BRSK1: variants seen among roughly 807,000 people sequenced by gnomAD.
BRSK1 encodes the protein BR serine/threonine kinase 1, also known as serine/threonine-protein kinase BRSK1.
Under a neutral mutation model 86.2 loss-of-function variants are expected in BRSK1, and 17 were observed. The ratio of observed to expected loss-of-function variants is 0.20; its 90% CI spans 0.14 to 0.30. The LOEUF (loss-of-function observed/expected upper bound fraction) is 0.30, where lower values mean the gene tolerates loss of function less well. Ranked by LOEUF, BRSK1 falls within the 10% of genes least tolerant of loss-of-function variation. BRSK1 has a pLI of 1.00. For synonymous variants in BRSK1, 464 were observed against 440.1 expected (o/e 1.05, Z -0.68); for missense variants, 719 against 1,071.9 (o/e 0.67, Z 4.60).
Position 55,285,548 on chromosome 19 carries a change from G to A in BRSK1, c.136+970G>A, listed in dbSNP as rs372480564. Among the ~76,000 whole-genome samples the A allele has an allele frequency of 1.6e-3, 238 of 152,274 alleles. 9 individuals are homozygous for A. The South Asian group carries it at 0.046, about 30-fold the overall frequency. ...CCAGGCAGCAGGTTGGGGTGACAGG[G>A]GCCGTGGGGCCTAAGACATTCTCCC... On this transcript the variant is annotated intron_variant, in intron 1 of 18. Transcript: ENST00000309383.
chr19:55,302,505 A>T lies in BRSK1; in HGVS notation c.858-192A>T, dbSNP rs117647127. On this transcript the variant is annotated intron_variant, in intron 9 of 18. Coordinates refer to ENST00000309383, the MANE Select transcript of BRSK1 (RefSeq NM_032430.2). This position sits in a 1 kb window ranked among gnomAD's most constrained non-coding sequence, Gnocchi z 6.3. Reference sequence around the variant, plus strand: ...GGGCCTGGACCCCTCGGTCGGAGGGAAAAGGGGCTGGAGGTCTGGACTCCT... The same window carrying T: ...GGGCCTGGACCCCTCGGTCGGAGGGTAAAGGGGCTGGAGGTCTGGACTCCT... The T allele has an allele frequency of 0.033, 23,929 of 722,924 alleles. 508 individuals carry two copies. The highest frequency in any genetic ancestry group is 0.042 in the Non-Finnish European group (18,732 of 446,440). The allele number at this position is 722,924 out of a possible 1,614,324, so 44.8% of individuals were successfully genotyped here.
chr19:55,309,329 C>T (rs557023694), intron 18 of BRSK1, among the ~76,000 whole-genome samples: 114 of 152,302 alleles, frequency 7.5e-4, no homozygotes, highest in African/African-American at 2.6e-3. Flanking sequence ...CCCGGGCTCC[C>T]AGTCCTGGTC....
rs373710006 is a variant in BRSK1 at position 55,311,935 on chromosome 19, G to A, written c.2204G>A (p.Arg735Gln). 40 of 1,611,322 alleles carry A rather than the reference G, an allele frequency of 2.5e-5. No individual in the cohort carries two copies. The highest frequency in any genetic ancestry group is 6.7e-5 in the Admixed American group (4 of 59,908). ...LADEKNGAQT[R>Q]PAGAPPRSLQ... ...GACGAGAAGAACGGGGCCCAGACCC[G>A]GCCTGCTGGTGCCCCACCCCGAAGC... Residue 735 changes from arginine (R) to glutamine (Q), a missense_variant, in exon 19 of 19, where the codon CGG becomes CAG. By Grantham distance (43) the Arg-to-Gln change is conservative. This residue lies in a region of BRSK1 where 82 missense variants were observed against 72.6 expected (regional missense o/e 1.13). Transcript: ENST00000309383.
In BRSK1 at chr19:55,304,225, C is replaced by T; in HGVS notation, c.1347+115C>T. 1 of 1,150,984 alleles carries T rather than the reference C, an allele frequency of 8.7e-7. No individual in the cohort carries two copies. Among genetic ancestry groups the T allele is most frequent in the Non-Finnish European group, 1.2e-6 (1 of 822,848 alleles). 71.3% of individuals were successfully genotyped at this position (1,150,984 alleles called of 1,614,324 possible). On this transcript the variant is annotated intron_variant, in intron 13 of 18. Coordinates refer to ENST00000309383, the MANE Select transcript of BRSK1 (RefSeq NM_032430.2). This position sits in a 1 kb window ranked among gnomAD's most constrained non-coding sequence, Gnocchi z 5.2. ...CAGTCTTGAGACTTGCTTCTTTGTCCCTGGAGGGCCAAAGACCCAAGGCCT... is the reference window on the plus strand; with the variant it reads ...CAGTCTTGAGACTTGCTTCTTTGTCTCTGGAGGGCCAAAGACCCAAGGCCT...
chr19:55,284,967 G>T, intron 1 of BRSK1, among the ~76,000 whole-genome samples: 1 of 150,000 alleles, frequency 6.7e-6, no homozygotes, highest in Admixed American at 6.6e-5. Context: ...GAGGCTGGTG[G>T]CCTGCACTCC....
chr19:55,286,095 G>A (rs28728073), intron 1 of BRSK1, among the ~76,000 whole-genome samples: 17 of 108,442 alleles, frequency 1.6e-4, no homozygotes, highest in East Asian at 2.7e-4. Context: ...TGGAGTGCTG[G>A]GTCTGAGGGA....
chr19:55,309,952 G>T (rs2088745980), intron 18 of BRSK1, among the ~76,000 whole-genome samples: 1 of 152,188 alleles, frequency 6.6e-6, no homozygotes, highest in African/African-American at 2.4e-5. Flanking sequence ...CAGGACCCAT[G>T]CCCCTTCCTG....
chr19:55,303,012 C>A lies in BRSK1; in HGVS notation c.1028+145C>A. On this transcript the variant is annotated intron_variant, in intron 10 of 18. Coordinates refer to ENST00000309383, the MANE Select transcript of BRSK1 (RefSeq NM_032430.2). The surrounding 1 kb of genome is among the most constrained non-coding windows in gnomAD (Gnocchi z 5.1). The stretch of plus-strand genomic sequence containing the variant: ...TCCCGCCTGGGAGTGATGGAACCAG[C>A]GGAGAAAACGGCCCAGAAACACGCT... 9.4e-7 allele frequency: 1 copy of A among 1,061,358 alleles called. No homozygotes were observed. The allele number at this position is 1,061,358 out of a possible 1,614,324, so 65.7% of individuals were successfully genotyped here. A position where few individuals can be genotyped will look rare whatever the true frequency, so the allele number is the denominator to read the frequency against.
At position 55,305,952 on chromosome 19, in the gene BRSK1, C is replaced by T. The variant is rs779855528; in HGVS notation, c.1891-300C>T. ...CTTAGAGTTTCTGTGACAGATATGGCTATGGGAAGCATTTGTAAAGGGAGC... is the reference window on the plus strand; with the variant it reads ...CTTAGAGTTTCTGTGACAGATATGGTTATGGGAAGCATTTGTAAAGGGAGC... On this transcript the variant is annotated intron_variant, in intron 16 of 18. Transcript: ENST00000309383. Among the ~76,000 whole-genome samples, 4 of 152,178 alleles carry T rather than the reference C, an allele frequency of 2.6e-5. No individual in the cohort carries two copies. The East Asian group carries it at 7.7e-4, about 29-fold the overall frequency.
intron 7 of BRSK1, among the ~76,000 whole-genome samples, chr19:55,300,703 G>A (rs1350392290): frequency 6.6e-6 from 1 of 152,230 alleles, no homozygotes; most frequent in Non-Finnish European, 1.5e-5. Context: ...GCCGGGCATA[G>A]TGGCATATGC....
rs1266425203 is a variant in BRSK1 at position 55,303,214 on chromosome 19, G to A, written c.1029-97G>A. The A allele has an allele frequency of 6.2e-6, 6 of 962,230 alleles. No homozygotes were observed. The highest frequency in any genetic ancestry group is 9.8e-6 in the Non-Finnish European group (6 of 612,044). The allele number at this position is 962,230 out of a possible 1,614,324, so 59.6% of individuals were successfully genotyped here. The stretch of plus-strand genomic sequence containing the variant: ...ATACCTAGAAAAAATGGAACCATGG[G>A]CAGAAATACAGGGAGCGGAGGAGAC... On this transcript the variant is annotated intron_variant, in intron 10 of 18. Transcript: ENST00000309383. The surrounding 1 kb of genome is among the most constrained non-coding windows in gnomAD (Gnocchi z 5.1).
intron 1 of BRSK1, among the ~76,000 whole-genome samples, chr19:55,286,742 T>G (rs899013497): frequency 5.8e-5 from 8 of 137,584 alleles, no homozygotes; most frequent in South Asian, 2.4e-4. Context: ...ACGGAGAGGG[T>G]GAGGGCCAGG....
intron 7 of BRSK1, among the ~76,000 whole-genome samples, chr19:55,299,416 TTCTC>T (rs1165279830): frequency 6.6e-6 from 1 of 151,844 alleles, no homozygotes; most frequent in Admixed American, 6.6e-5. Flanking sequence ...GATGGAGACT[TTCTC>T]TGTCACCTAG....
In BRSK1 at chr19:55,303,451, A is replaced by G; in HGVS notation, c.1126+43A>G. 6.3e-7 allele frequency: 1 copy of G among 1,593,304 alleles called. No individual in the cohort carries two copies. Among genetic ancestry groups the G allele is most frequent in the Non-Finnish European group, 8.6e-7 (1 of 1,161,496 alleles). On this transcript the variant is annotated intron_variant, in intron 11 of 18. Coordinates refer to ENST00000309383, the MANE Select transcript of BRSK1 (RefSeq NM_032430.2). The surrounding 1 kb of genome is among the most constrained non-coding windows in gnomAD (Gnocchi z 5.1). The stretch of plus-strand genomic sequence containing the variant: ...GGGGACCAGACACCTGGGTCTCGAG[A>G]TTGGAAGAGGCTGGCCACGGGGACC...
In BRSK1 at chr19:55,287,199, C is replaced by T. The variant is rs1350339618; in HGVS notation, c.232-15C>T. On this transcript the variant is annotated splice_polypyrimidine_tract_variant and intron_variant, in intron 2 of 18. Coordinates refer to ENST00000309383, the MANE Select transcript of BRSK1 (RefSeq NM_032430.2). This position sits in a 1 kb window ranked among gnomAD's most constrained non-coding sequence, Gnocchi z 5.3. ...TGACCTCTTTTCCCGTGTCCCCACC[C>T]CTCTTGACCCTCAGGTGGAGCGGGA... is the stretch of plus-strand genomic sequence containing the variant. 1 of 1,613,928 alleles carries T rather than the reference C, an allele frequency of 6.2e-7. No homozygotes were observed. Among genetic ancestry groups the T allele is most frequent in the East Asian group, 2.2e-5 (1 of 44,866 alleles).
Position 55,304,707 on chromosome 19 carries a change from C to T in BRSK1, c.1504C>T (p.Leu502=), listed in dbSNP as rs558935154. Residue 502 remains leucine, a synonymous_variant, in exon 14 of 19, where the codon CTG becomes TTG. Transcript: ENST00000309383. This position sits in a 1 kb window ranked among gnomAD's most constrained non-coding sequence, Gnocchi z 5.2. ...PPPPSARSTP[L]PGPPGSPRSS... is the part of the protein sequence containing the mutation. ...GCCCCCCAGTGCCCGCTCCACACCC[C>T]TGCCCGGCCCCCCAGGCTCCCCGCG... is the stretch of plus-strand genomic sequence containing the variant. 2.0e-6 allele frequency: 3 copies of T among 1,499,262 alleles called. No individual in the cohort carries two copies. The highest frequency in any genetic ancestry group is 1.3e-5 in the South Asian group (1 of 77,392). The allele number at this position is 1,499,262 out of a possible 1,614,324, so 92.9% of individuals were successfully genotyped here. A position where few individuals can be genotyped will look rare whatever the true frequency, so the allele number is the denominator to read the frequency against.
In BRSK1 at chr19:55,304,083, G is replaced by A. The variant is rs376405016; in HGVS notation, c.1320G>A (p.Leu440=). The change falls in exon 13 of 19, where the codon CTG becomes CTA. Residue 440 remains leucine (L), a synonymous_variant. Coordinates refer to ENST00000309383, the MANE Select transcript of BRSK1 (RefSeq NM_032430.2). This position sits in a 1 kb window ranked among gnomAD's most constrained non-coding sequence, Gnocchi z 5.2. The part of the protein sequence containing the change: ...SRSVSGASTG[L]SSSPLSSPRS... ...GCGTCAGTGGAGCCTCCACGGGTCTGTCCTCCAGCCCTCTAAGCAGCCCAA... is the reference window on the plus strand; with the variant it reads ...GCGTCAGTGGAGCCTCCACGGGTCTATCCTCCAGCCCTCTAAGCAGCCCAA... 9 of 1,612,500 alleles carry A rather than the reference G, an allele frequency of 5.6e-6. No homozygotes were observed. Among genetic ancestry groups the A allele is most frequent in the Non-Finnish European group, 7.6e-6 (9 of 1,179,766 alleles).
At chr19:55,299,372 T>G (rs548654509) in intron 7 of BRSK1, among the ~76,000 whole-genome samples, 7 of 117,534 alleles carry the variant, frequency 6.0e-5, no homozygotes, top group Non-Finnish European at 1.1e-4. Context: ...TTTGTTTTGG[T>G]TTTTTTTTTT....
chr19:55,299,289 G>A (rs1229582189), intron 7 of BRSK1, among the ~76,000 whole-genome samples: 1 of 152,172 alleles, frequency 6.6e-6, no homozygotes, highest in East Asian at 1.9e-4. Flanking sequence ...TCGTTCACTA[G>A]TTGAGAGTTT....
Sources: gnomAD v4.1 joint callset for allele counts (sites outside exome capture counted in the v4.1 genomes callset) on GRCh38, gnomAD v4.1.1 for gene constraint, gnomAD v4.1.1 regional missense constraint, Gnocchi (gnomAD v3.1) non-coding constraint, MANE v1.5 for transcripts, NCBI Gene and HGNC (gene_info 2026-07-23, HGNC 2026-07-21) for gene names.